Variants in MYO5B observed in about 807,000 individuals in gnomAD.
MYO5B encodes unconventional myosin-Vb.
MYO5B carries 143 observed loss-of-function variants against 229.3 expected under a neutral mutation model. The ratio of observed to expected loss-of-function variants is 0.62; its 90% confidence interval spans 0.54 to 0.72. MYO5B has a LOEUF of 0.72. Ranked by LOEUF, MYO5B falls within the 30% of genes least tolerant of loss-of-function variation. The pLI is 0.00. For missense variants in MYO5B, 2,321 were observed against 2,331.0 expected, an observed-to-expected ratio of 1.00 and a Z score of 0.09; for synonymous variants, 918 against 885.2, an observed-to-expected ratio of 1.04 and a Z score of -0.66.
At chr18:50,125,870 T>A (rs896409878) in intron 1 of MYO5B, among the ~76,000 whole-genome samples, 1 of 152,156 alleles carries the variant, frequency 6.6e-6, no homozygotes, top group Admixed American at 6.5e-5. Context: ...GGATGAACCT[T>A]CAGGATGCTA....
intron 1 of MYO5B, among the ~76,000 whole-genome samples, chr18:50,081,451 C>T (rs77751047): frequency 0.01 from 1,536 of 152,286 alleles, 28 homozygotes; most frequent in African/African-American, 0.034. Flanking sequence ...GTGATTCATC[C>T]ACCAGCTACT....
chr18:49,941,634 ATTCTCAGC>A (rs1379031603), intron 14 of MYO5B, among the ~76,000 whole-genome samples: 12 of 152,236 alleles, frequency 7.9e-5, no homozygotes, highest in African/African-American at 2.9e-4. Flanking sequence ...TTCTGTTCCT[ATTCTCAGC>A]TTCTCAGCAT....
At chr18:50,033,403 G>A (rs1464563346) in intron 4 of MYO5B, among the ~76,000 whole-genome samples, 1 of 152,098 alleles carries the variant, frequency 6.6e-6, no homozygotes, top group African/African-American at 2.4e-5. Context: ...AAATGACACC[G>A]TGGCACAGTT....
At chr18:50,082,975 C>G (rs539093638) in intron 1 of MYO5B, among the ~76,000 whole-genome samples, 5 of 152,290 alleles carry the variant, frequency 3.3e-5, no homozygotes, top group Non-Finnish European at 5.9e-5. Flanking sequence ...GAGCCCAGTT[C>G]CACAAGATCA....
chr18:49,878,406 G>C lies in MYO5B; in HGVS notation c.3277-524C>G, dbSNP rs145863946. Among the ~76,000 whole-genome samples, 848 of 109,012 alleles carry C rather than the reference G, an allele frequency of 7.8e-3. 6 individuals carry two copies. Among genetic ancestry groups the C allele is most frequent in the Non-Finnish European group, 9.7e-3 (526 of 54,012 alleles). 71.5% of individuals were successfully genotyped at this position (109,012 alleles called of 152,430 possible). A position where few individuals can be genotyped will look rare whatever the true frequency, so the allele number is the denominator to read the frequency against. ...GGTAGGACAATTTTAGACTTCTCTG[G>C]ATGTTCCTATTCAGCTTTTCTTTCC... On this transcript the variant is annotated intron_variant, in intron 24 of 39. Transcript: ENST00000285039.
chr18:49,919,164 G>A (rs993270799), intron 17 of MYO5B, among the ~76,000 whole-genome samples: 2 of 152,142 alleles, frequency 1.3e-5, no homozygotes, highest in Admixed American at 1.3e-4. Flanking sequence ...GAATGAGACT[G>A]GGCTCTTACA....
intron 29 of MYO5B, 99 bp downstream of exon 29, chr18:49,863,128 A>G: frequency 1.1e-6 from 1 of 884,254 alleles, no homozygotes; most frequent in South Asian, 1.3e-5. Context: ...TCTGATGCTG[A>G]GCACATGGTC....
In MYO5B at chr18:49,836,917, A is replaced by G. The variant is rs748022072; in HGVS notation, c.5139-32T>C. 3.1e-6 allele frequency: 5 copies of G among 1,608,868 alleles called. No individual in the cohort carries two copies. The South Asian group carries it at 5.5e-5, about 18-fold the overall frequency. On this transcript the variant is annotated intron_variant, in intron 37 of 39. Coordinates refer to ENST00000285039, the MANE Select transcript of MYO5B (RefSeq NM_001080467.3). ...CATAGGTAGAAAGCAAGCTATGTTA[A>G]GCCGGTCCTCCTAATTCACTGAGAA... is the stretch of plus-strand genomic sequence containing the variant.
At chr18:50,079,404 G>C (rs539364323) in intron 1 of MYO5B, among the ~76,000 whole-genome samples, 1 of 152,164 alleles carries the variant, frequency 6.6e-6, no homozygotes, top group Non-Finnish European at 1.5e-5. Flanking sequence ...CCAGGTATCA[G>C]AAGATGGGGA....
chr18:49,993,123 A>C (rs2025951086), intron 5 of MYO5B, among the ~76,000 whole-genome samples: 1 of 152,140 alleles, frequency 6.6e-6, no homozygotes, highest in South Asian at 2.1e-4. Flanking sequence ...TATCGTGTGA[A>C]GATTTGCTTC....
intron 17 of MYO5B, among the ~76,000 whole-genome samples, chr18:49,921,345 C>A (rs2025073609): frequency 6.7e-6 from 1 of 148,910 alleles, no homozygotes; most frequent in Non-Finnish European, 1.5e-5. Flanking sequence ...GTATTTGCTT[C>A]ACAATTTCTC....
At chr18:49,914,829 A>C (rs1344657711) in intron 17 of MYO5B, among the ~76,000 whole-genome samples, 1 of 151,466 alleles carries the variant, frequency 6.6e-6, no homozygotes, top group Non-Finnish European at 1.5e-5. Flanking sequence ...AGTGCTGTGG[A>C]GTATCACATA....
rs529310667 is a variant in MYO5B at position 50,186,767 on chromosome 18, C to T, written c.27+8000G>A. ...AGTAACCTTCCCATGGTGCAGGTAC[C>T]ACCCCAATTCTTCAGATAAAGAAAT... On this transcript the variant is annotated intron_variant, in intron 1 of 39. Transcript: ENST00000285039. Among the ~76,000 whole-genome samples the T allele has an allele frequency of 3.3e-5, 5 of 152,264 alleles. No homozygotes were observed. In the South Asian group the frequency reaches 6.2e-4, roughly 19 times the overall value.
At chr18:49,849,727 T>C in intron 31 of MYO5B, 67 bp from the exon 32 acceptor site, 1 of 1,304,796 alleles carries the variant, frequency 7.7e-7, no homozygotes, top group Non-Finnish European at 1.1e-6. Flanking sequence ...GGTAAAATCC[T>C]GCTTGCAGTT....
intron 16 of MYO5B, among the ~76,000 whole-genome samples, chr18:49,935,249 A>G (rs1190443128): frequency 6.6e-6 from 1 of 152,216 alleles, no homozygotes. Flanking sequence ...TATGGTGGCC[A>G]CTAGCACCTC....
intron 32 of MYO5B, 89 bp from the exon 33 acceptor site, chr18:49,847,378 A>T: frequency 2.7e-6 from 4 of 1,505,876 alleles, no homozygotes; most frequent in Non-Finnish European, 3.6e-6. Context: ...GGAGGATGGG[A>T]CCTGGGGCAG....
At chr18:49,835,038 T>C (rs559972428) in intron 39 of MYO5B, among the ~76,000 whole-genome samples, 14 of 152,352 alleles carry the variant, frequency 9.2e-5, no homozygotes, top group Non-Finnish European at 1.2e-4. Flanking sequence ...TCTGCTGACA[T>C]TGTTAATTCC....
At chr18:49,962,227 C>G in intron 12 of MYO5B, 39 bp downstream of exon 12, 1 of 1,613,266 alleles carries the variant, frequency 6.2e-7, no homozygotes, top group Non-Finnish European at 8.5e-7. Context: ...TATCACATCC[C>G]TACCCTAGAA....
chr18:50,191,889 C>T (rs973210914), intron 1 of MYO5B, among the ~76,000 whole-genome samples: 8 of 152,180 alleles, frequency 5.3e-5, no homozygotes, highest in Admixed American at 2.6e-4. Flanking sequence ...ATGAATTCTA[C>T]TAAAATTGAA....
Sources: gnomAD v4.1 joint callset for allele counts (sites outside exome capture counted in the v4.1 genomes callset) on GRCh38, gnomAD v4.1.1 for gene constraint, MANE v1.5 for transcripts, NCBI Gene and HGNC (gene_info 2026-07-23, HGNC 2026-07-21) for gene names.